Variants in ABCD3 observed in about 807,000 individuals in gnomAD.
ABCD3 encodes the protein ATP binding cassette subfamily D member 3, also known as ATP-binding cassette sub-family D member 3.
In ABCD3, 41 loss-of-function variants were observed where a neutral mutation model predicts 105.5. The observed-to-expected ratio is 0.39, with a 90% confidence interval of 0.30 to 0.50. The LOEUF (loss-of-function observed/expected upper bound fraction) is 0.50, where lower values mean the gene tolerates loss of function less well. Ranked by LOEUF, ABCD3 falls within the 20% of genes least tolerant of loss-of-function variation. The probability of loss-of-function intolerance (pLI) is 0.84; values close to 1 mark genes in which losing one functional copy is unlikely to be tolerated. For synonymous variants in ABCD3, 258 were observed against 269.0 expected (o/e 0.96, Z 0.40); for missense variants, 622 against 806.3 (o/e 0.77, Z 2.77).
intron 3 of ABCD3, among the ~76,000 whole-genome samples, chr1:94,465,169 C>A (rs563151957): frequency 4.6e-5 from 7 of 152,152 alleles, no homozygotes; most frequent in Non-Finnish European, 1.0e-4. Context: ...GTCTGGAGGA[C>A]AGCACCATGC....
chr1:94,410,459 C>G, the ABCD3 span, among the ~76,000 whole-genome samples: 2 of 152,166 alleles, frequency 1.3e-5, no homozygotes, highest in African/African-American at 4.8e-5. Flanking sequence ...CTTCTCTTTT[C>G]CCATTCAGAG....
At chr1:94,433,431 G>A (rs369023242) in intron 1 of ABCD3, among the ~76,000 whole-genome samples, 36 of 152,008 alleles carry the variant, frequency 2.4e-4, no homozygotes, top group African/African-American at 8.7e-4. Flanking sequence ...TGGGATTACA[G>A]GTGTGAGCCA....
chr1:94,408,337 C>T, the ABCD3 span, among the ~76,000 whole-genome samples: 1 of 151,864 alleles, frequency 6.6e-6, no homozygotes, highest in Non-Finnish European at 1.5e-5. Context: ...CATTCCAGCA[C>T]TTTGGGAGGC....
chr1:94,439,611 A>G (rs971136329), intron 1 of ABCD3, among the ~76,000 whole-genome samples: 2 of 152,220 alleles, frequency 1.3e-5, no homozygotes, highest in Admixed American at 1.3e-4. Context: ...AGCCTGGGCA[A>G]CAGAGCGAGA....
rs1570722703 is a variant in ABCD3, at chr1:94,418,412, C to A, written c.-67C>A. 5.2e-6 allele frequency: 7 copies of A among 1,358,052 alleles called. No homozygotes were observed. The highest frequency in any genetic ancestry group is 7.1e-6 in the Non-Finnish European group (7 of 984,698). 84.1% of individuals were successfully genotyped at this position (1,358,052 alleles called of 1,614,324 possible). On this transcript the variant is annotated 5_prime_UTR_variant, in exon 1 of 23. Transcript: ENST00000370214. ...CTCCCAGTCTCCCCCGCGCTGCGTG[C>A]AGTAAGGTAGCCGCCGCCGCCGCCG... is the stretch of plus-strand genomic sequence containing the variant.
intron 1 of ABCD3, among the ~76,000 whole-genome samples, chr1:94,457,613 C>T (rs1215652414): frequency 6.6e-6 from 1 of 152,120 alleles, no homozygotes; most frequent in Admixed American, 6.5e-5. Flanking sequence ...TAGAGACACT[C>T]CCCTCTCCTC....
At chr1:94,462,288 A>G (rs1347977622) in intron 2 of ABCD3, among the ~76,000 whole-genome samples, 1 of 152,176 alleles carries the variant, frequency 6.6e-6, no homozygotes, top group Non-Finnish European at 1.5e-5. Context: ...GGAAGTGGGA[A>G]AAGTTCATTG....
At chr1:94,516,306 T>G (rs1650918165) in intron 22 of ABCD3, among the ~76,000 whole-genome samples, 1 of 152,000 alleles carries the variant, frequency 6.6e-6, no homozygotes, top group African/African-American at 2.4e-5. Flanking sequence ...TCAGTGAAAT[T>G]CTATATAACT....
At chr1:94,418,857 A>G (rs747456119) in intron 1 of ABCD3, 5 of 525,034 alleles carry the variant, frequency 9.5e-6, no homozygotes, top group Middle Eastern at 1.0e-3. Context: ...CCCAGCCAGC[A>G]CTCAGGCAGC....
the ABCD3 span, among the ~76,000 whole-genome samples, chr1:94,391,964 G>C: frequency 6.6e-6 from 1 of 152,128 alleles, no homozygotes; most frequent in Non-Finnish European, 1.5e-5. Flanking sequence ...AGAAAACGGT[G>C]GGGGAGGGAG....
At chr1:94,411,565 AG>A in the ABCD3 span, among the ~76,000 whole-genome samples, 9 of 152,222 alleles carry the variant, frequency 5.9e-5, 1 homozygote, top group Non-Finnish European at 1.3e-4. Flanking sequence ...GCTGTGGAAA[AG>A]TTTGGCAGTT....
At chr1:94,441,182 C>CA (rs1363833375) in intron 1 of ABCD3, among the ~76,000 whole-genome samples, 7 of 152,082 alleles carry the variant, frequency 4.6e-5, no homozygotes, top group Non-Finnish European at 1.0e-4. Flanking sequence ...AGACAAATGA[C>CA]AAACTTATAG....
chr1:94,457,180 C>T (rs1304038356), intron 1 of ABCD3, among the ~76,000 whole-genome samples: 2 of 152,030 alleles, frequency 1.3e-5, no homozygotes, highest in Non-Finnish European at 2.9e-5. Context: ...ATATTTTCTC[C>T]CATAGTTTAT....
the ABCD3 span, among the ~76,000 whole-genome samples, chr1:94,398,599 G>A: frequency 6.6e-6 from 1 of 152,068 alleles, no homozygotes. Context: ...GGGATTCCTG[G>A]TAGCCTGATA....
chr1:94,418,915 C>A, intron 1 of ABCD3: 1 of 421,664 alleles, frequency 2.4e-6, no homozygotes, highest in Non-Finnish European at 4.3e-6. Flanking sequence ...CCCCCACCCC[C>A]TTCCCTACAT....
chr1:94,456,546 A>G (rs1404717434), intron 1 of ABCD3, among the ~76,000 whole-genome samples: 2 of 150,922 alleles, frequency 1.3e-5, no homozygotes, highest in African/African-American at 4.9e-5. Context: ...CCAAAGTGCT[A>G]GGATTACAGG....
intron 3 of ABCD3, among the ~76,000 whole-genome samples, chr1:94,465,929 A>G (rs1354792122): frequency 2.6e-5 from 4 of 152,088 alleles, no homozygotes; most frequent in African/African-American, 7.2e-5. Context: ...GGATCTGCTA[A>G]TTTTTCCTAT....
chr1:94,422,696 T>G (rs1466152529), intron 1 of ABCD3, among the ~76,000 whole-genome samples: 2 of 152,218 alleles, frequency 1.3e-5, no homozygotes, highest in Non-Finnish European at 2.9e-5. Context: ...GTTGAAGAAC[T>G]TTTAAGCGTA....
rs774322319 is a variant in ABCD3, at chr1:94,487,900, C to T, written c.1074C>T (p.Tyr358=). The change falls in exon 13 of 23, where the codon TAC becomes TAT. Residue 358 remains tyrosine, a synonymous_variant. Transcript: ENST00000370214. The part of the protein sequence containing the change: ...STHSELLEDY[Y]QSGRMLLRMS... ...ATTTATTTCTATTTAAGGATTACTA[C>T]CAAAGTGGAAGAATGCTTTTGCGAA... The T allele has an allele frequency of 4.3e-6, 7 of 1,613,232 alleles. No individual in the cohort carries two copies. The highest frequency in any genetic ancestry group is 2.2e-5 in the East Asian group (1 of 44,842).
Sources: gnomAD v4.1 joint callset for allele counts (sites outside exome capture counted in the v4.1 genomes callset) on GRCh38, gnomAD v4.1.1 for gene constraint, MANE v1.5 for transcripts, NCBI Gene and HGNC (gene_info 2026-07-23, HGNC 2026-07-21) for gene names.